FOXO1: variants seen among roughly 807,000 people sequenced by gnomAD.
The protein encoded by FOXO1 is forkhead box protein O1.
A neutral mutation model predicts 44.1 loss-of-function variants in FOXO1; 6 were observed. The observed-to-expected ratio is 0.14, with a 90% CI of 0.07 to 0.27. The LOEUF (loss-of-function observed/expected upper bound fraction) is 0.27. Ranked by LOEUF, FOXO1 falls within the 10% of genes least tolerant of loss-of-function variation. The pLI is 1.00. For missense variants in FOXO1, 737 were observed against 888.8 expected (o/e 0.83, Z 2.17); for synonymous variants, 380 against 362.7 (o/e 1.05, Z -0.54).
intron 1 of FOXO1, among the ~76,000 whole-genome samples, chr13:40,592,975 T>C (rs906279988): frequency 1.3e-5 from 2 of 152,174 alleles, no homozygotes; most frequent in African/African-American, 4.8e-5. Context: ...CATTAAAACA[T>C]CAACTATGCC....
intron 1 of FOXO1, among the ~76,000 whole-genome samples, chr13:40,614,889 T>TCCC (rs982612302): frequency 3.9e-5 from 6 of 152,214 alleles, no homozygotes; most frequent in African/African-American, 1.2e-4. Flanking sequence ...GAAAGGCTCA[T>TCCC]CCCTTCCTAT....
chr13:40,633,682 T>C (rs942984361), intron 1 of FOXO1, among the ~76,000 whole-genome samples: 1 of 152,218 alleles, frequency 6.6e-6, no homozygotes, highest in Non-Finnish European at 1.5e-5. Flanking sequence ...GTGGTGATAG[T>C]TGCCCAAACT....
At chr13:40,639,588 C>T (rs1877281942) in intron 1 of FOXO1, among the ~76,000 whole-genome samples, 1 of 152,246 alleles carries the variant, frequency 6.6e-6, no homozygotes, top group African/African-American at 2.4e-5. Context: ...TACTGACACA[C>T]ATAGTGGCCA....
At chr13:40,640,968 G>A (rs1877331516) in intron 1 of FOXO1, among the ~76,000 whole-genome samples, 1 of 152,086 alleles carries the variant, frequency 6.6e-6, no homozygotes, top group Non-Finnish European at 1.5e-5. Flanking sequence ...ATTTTTAGTA[G>A]AGACAAGATT....
At chr13:40,623,897 G>A (rs1946659185) in intron 1 of FOXO1, among the ~76,000 whole-genome samples, 1 of 149,390 alleles carries the variant, frequency 6.7e-6, no homozygotes, top group Non-Finnish European at 1.5e-5. Flanking sequence ...ACCAGCCTGG[G>A]CAACAAAGTG....
chr13:40,647,698 C>G (rs1381843476), intron 1 of FOXO1, among the ~76,000 whole-genome samples: 1 of 152,182 alleles, frequency 6.6e-6, no homozygotes, highest in Non-Finnish European at 1.5e-5. Context: ...AGCCACCGCG[C>G]CCAGCTATCT....
Position 40,572,407 on chromosome 13 carries a change from T to G in FOXO1, c.631-11547A>C, listed in dbSNP as rs531894057. Among the ~76,000 whole-genome samples the G allele has an allele frequency of 7.2e-3, 879 of 122,904 alleles. 7 individuals are homozygous for G. Among genetic ancestry groups the G allele is most frequent in the African/African-American group, 0.029 (842 of 28,710 alleles). The allele number at this position is 122,904 out of a possible 152,430, so 80.6% of individuals were successfully genotyped here. A position where few individuals can be genotyped will look rare whatever the true frequency, so the allele number is the denominator to read the frequency against. ...AGTACCAAGTCTAGATTTATGTGTT[T>G]TTTCTATTTTGGGACCTAGATATGA... On this transcript the variant is annotated intron_variant, in intron 1 of 2. Coordinates refer to ENST00000379561, the MANE Select transcript of FOXO1 (RefSeq NM_002015.4).
chr13:40,657,777 C>T (rs945828905), intron 1 of FOXO1, among the ~76,000 whole-genome samples: 2 of 152,108 alleles, frequency 1.3e-5, no homozygotes, highest in Non-Finnish European at 2.9e-5. Context: ...TGAGTCATTG[C>T]TACCACTCAA....
chr13:40,636,329 ACC>A (rs1566081535), intron 1 of FOXO1, among the ~76,000 whole-genome samples: 2 of 152,046 alleles, frequency 1.3e-5, no homozygotes. Flanking sequence ...CCATTTCCTG[ACC>A]TGTAAAATGT....
intron 1 of FOXO1, among the ~76,000 whole-genome samples, chr13:40,564,689 T>C (rs889382791): frequency 6.6e-6 from 1 of 152,126 alleles, no homozygotes; most frequent in Non-Finnish European, 1.5e-5. Flanking sequence ...TCTCAACAAA[T>C]ATTACCTGAG....
At chr13:40,599,638 T>A (rs961331900) in intron 1 of FOXO1, among the ~76,000 whole-genome samples, 1 of 151,812 alleles carries the variant, frequency 6.6e-6, no homozygotes, top group African/African-American at 2.4e-5. Context: ...CTAGATAGGG[T>A]GGGTACGGAA....
At chr13:40,578,039 C>T (rs1189012821) in intron 1 of FOXO1, among the ~76,000 whole-genome samples, 1 of 152,168 alleles carries the variant, frequency 6.6e-6, no homozygotes, top group Non-Finnish European at 1.5e-5. Flanking sequence ...CACTGACTGG[C>T]ACCTTTACCA....
In FOXO1 at chr13:40,604,934, T is replaced by A. The variant is rs150950359; in HGVS notation, c.631-44074A>T. 9.2e-5 allele frequency among the ~76,000 whole-genome samples: 14 copies of A among 152,274 alleles called. No homozygotes were observed. The East Asian group carries it at 2.5e-3, about 27-fold the overall frequency. On this transcript the variant is annotated intron_variant, in intron 1 of 2. Transcript: ENST00000379561. ...AGCCTCAGGAATGCAGATTTTGCTA[T>A]GAATAATAATTTGTTAAACGCTATA... is the stretch of plus-strand genomic sequence containing the variant.
In FOXO1 at chr13:40,561,876, G is replaced by A. The variant is rs117064938; in HGVS notation, c.631-1016C>T. 8.6e-4 allele frequency among the ~76,000 whole-genome samples: 129 copies of A among 150,578 alleles called. 1 individual carries two copies. The East Asian group carries it at 0.023, about 27-fold the overall frequency. ...CCCAGCTACTTGGCAGGCTGAGGCA[G>A]GAGAAGGAGACTGCGGTGAGCTGAG... On this transcript the variant is annotated intron_variant, in intron 1 of 2. Coordinates refer to ENST00000379561, the MANE Select transcript of FOXO1 (RefSeq NM_002015.4).
At chr13:40,620,799 C>CTT (rs111991105) in intron 1 of FOXO1, among the ~76,000 whole-genome samples, 9 of 121,224 alleles carry the variant, frequency 7.4e-5, no homozygotes, top group South Asian at 5.6e-4. Flanking sequence ...CTTCCCCTTG[C>CTT]TTTTTTTTTT....
chr13:40,555,712 T>A lies in FOXO1; in HGVS notation c.*3337A>T, dbSNP rs1168756266. On this transcript the variant is annotated 3_prime_UTR_variant, in exon 3 of 3. Coordinates refer to ENST00000379561, the MANE Select transcript of FOXO1 (RefSeq NM_002015.4). ...AAGTATTTAATAGCTTCACAAAAAA[T>A]TCCTAATAAAGAGCTTATTCTGCAT... The A allele has an allele frequency of 6.6e-6, 1 of 152,652 alleles. No homozygotes were observed. Among genetic ancestry groups the A allele is most frequent in the African/African-American group, 2.4e-5 (1 of 41,464 alleles). 9.5% of individuals were successfully genotyped at this position (152,652 alleles called of 1,614,324 possible).
intron 1 of FOXO1, among the ~76,000 whole-genome samples, chr13:40,561,891 G>A (rs899890735): frequency 2.7e-5 from 4 of 150,002 alleles, no homozygotes; most frequent in Middle Eastern, 3.2e-3. Context: ...AGGAGACTGC[G>A]GTGAGCTGAG....
chr13:40,570,168 G>T (rs1874429488), intron 1 of FOXO1, among the ~76,000 whole-genome samples: 1 of 151,926 alleles, frequency 6.6e-6, no homozygotes, highest in Admixed American at 6.6e-5. Context: ...AAATTGGCCG[G>T]GTGTGGTGGC....
rs1457759294 is a variant in FOXO1 at position 40,560,225 on chromosome 13, T to G, written c.1266A>C (p.Gln422His). The G allele has an allele frequency of 6.2e-7, 1 of 1,614,072 alleles. No individual in the cohort carries two copies. Among genetic ancestry groups the G allele is most frequent in the Non-Finnish European group, 8.5e-7 (1 of 1,180,054 alleles). ...TGCTGGATTGGCCATATGTATATTT[T>G]TGGTAGTTTGGGCTGGGTGAATTCA... Reference protein sequence around the residue: ...TSLNSPSPNYQKYTYGQSSMS... With the variant: ...TSLNSPSPNYHKYTYGQSSMS... The change falls in exon 2 of 3, where the codon CAA becomes CAC. Residue 422 changes from glutamine (Q) to histidine (H), a missense_variant. Gln to His is a conservative substitution (Grantham distance 24, BLOSUM62 0). Coordinates refer to ENST00000379561, the MANE Select transcript of FOXO1 (RefSeq NM_002015.4). This position sits in a 1 kb window ranked among gnomAD's most constrained non-coding sequence, Gnocchi z 5.1.
Sources: gnomAD v4.1 joint callset for allele counts (sites outside exome capture counted in the v4.1 genomes callset) on GRCh38, gnomAD v4.1.1 for gene constraint, Gnocchi (gnomAD v3.1) non-coding constraint, MANE v1.5 for transcripts, NCBI Gene and HGNC (gene_info 2026-07-23, HGNC 2026-07-21) for gene names.